The following PRKN variants were observed in gnomAD, a reference collection of about 807,000 sequenced individuals.
PRKN encodes parkin RBR E3 ubiquitin protein ligase.
A neutral mutation model predicts 59.5 loss-of-function variants in PRKN; 56 were observed. The observed-to-expected ratio is 0.94, with a 90% confidence interval of 0.76 to 1.18. The LOEUF is 1.18. Among genes scored for constraint, PRKN ranks in the 50% most tolerant of loss-of-function variants. The pLI is 0.00. For synonymous variants in PRKN, 250 were observed against 222.1 expected, an observed-to-expected ratio of 1.13 and a Z score of -1.12; for missense variants, 657 against 596.4, an observed-to-expected ratio of 1.10 and a Z score of -1.06.
intron 2 of PRKN, among the ~76,000 whole-genome samples, chr6:162,288,014 A>G (rs1781272142): frequency 6.6e-6 from 1 of 152,152 alleles, no homozygotes; most frequent in South Asian, 2.1e-4. Context: ...CAAATGCCTC[A>G]GGTTCTGTCT....
Position 161,552,450 on chromosome 6 carries a change from G to GC in PRKN, c.934-3448_934-3447insG. ...CTCCAAGCCTCTCTCCCTCAGCTCT[G>GC]TTCACCTCCGCCTATGACTGTGAAT... On this transcript the variant is annotated intron_variant, in intron 8 of 11. Transcript: ENST00000366898. This position sits in a 1 kb window ranked among gnomAD's most constrained non-coding sequence, Gnocchi z 4.9. Among the ~76,000 whole-genome samples, 1 of 50,814 alleles carries GC rather than the reference G, an allele frequency of 2.0e-5. No individual in the cohort carries two copies. Among genetic ancestry groups the GC allele is most frequent in the South Asian group, 5.5e-4 (1 of 1,814 alleles). 33.3% of individuals were successfully genotyped at this position (50,814 alleles called of 152,430 possible). A position where few individuals can be genotyped will look rare whatever the true frequency, so the allele number is the denominator to read the frequency against.
chr6:162,548,042 CCTCT>C (rs201264918), intron 1 of PRKN, among the ~76,000 whole-genome samples: 2,906 of 149,214 alleles, frequency 0.019, 94 homozygotes, highest in African/African-American at 0.067. Context: ...GCCCCTACTT[CCTCT>C]CTGAGTTTTT....
rs1195047032 is a variant in PRKN at position 161,417,516 on chromosome 6, A to C, written c.1084-30639T>G. On this transcript the variant is annotated intron_variant, in intron 9 of 11. Coordinates refer to ENST00000366898, the MANE Select transcript of PRKN (RefSeq NM_004562.3). The surrounding 1 kb of genome is among the most constrained non-coding windows in gnomAD (Gnocchi z 5.4). Reference sequence around the variant, plus strand: ...CGCTATTGATTTAATCTCTGAATTAAAGGTCTCTGAATTAAAGTGTATAAA... The same window carrying C: ...CGCTATTGATTTAATCTCTGAATTACAGGTCTCTGAATTAAAGTGTATAAA... Among the ~76,000 whole-genome samples, 1 of 152,098 alleles carries C rather than the reference A, an allele frequency of 6.6e-6. No individual in the cohort carries two copies. Among genetic ancestry groups the C allele is most frequent in the Non-Finnish European group, 1.5e-5 (1 of 68,026 alleles).
chr6:162,634,812 C>T (rs957462051), intron 1 of PRKN, among the ~76,000 whole-genome samples: 3 of 152,064 alleles, frequency 2.0e-5, no homozygotes, highest in South Asian at 4.1e-4. Context: ...TTAGTAGAGA[C>T]GGGGTTTCAC....
At chr6:162,649,911 A>T (rs1037667212) in intron 1 of PRKN, among the ~76,000 whole-genome samples, 3 of 152,204 alleles carry the variant, frequency 2.0e-5, no homozygotes, top group Non-Finnish European at 4.4e-5. Flanking sequence ...ATGTGAATGT[A>T]TGTCATTGGT....
intron 9 of PRKN, among the ~76,000 whole-genome samples, chr6:161,425,742 G>C (rs752859753): frequency 3.9e-5 from 6 of 152,114 alleles, no homozygotes; most frequent in Non-Finnish European, 8.8e-5. Context: ...ATTATGAGGA[G>C]ATGAATTTGT....
intron 1 of PRKN, among the ~76,000 whole-genome samples, chr6:162,606,588 G>A (rs1180215382): frequency 6.6e-6 from 1 of 152,178 alleles, no homozygotes; most frequent in Non-Finnish European, 1.5e-5. Flanking sequence ...ATTGGACTAG[G>A]GATAGTGATG....
intron 7 of PRKN, among the ~76,000 whole-genome samples, chr6:161,714,535 G>T (rs1786891766): frequency 6.6e-6 from 1 of 152,150 alleles, no homozygotes. Context: ...AGAGCTCAGG[G>T]TGATAAATTT....
intron 1 of PRKN, among the ~76,000 whole-genome samples, chr6:162,586,800 C>G (rs181610613): frequency 9.9e-5 from 15 of 152,192 alleles, no homozygotes; most frequent in African/African-American, 3.6e-4. Flanking sequence ...ATAAATTAGG[C>G]CAAAAGATAT....
intron 2 of PRKN, among the ~76,000 whole-genome samples, chr6:162,302,997 C>CAA (rs1554297647): frequency 6.6e-6 from 1 of 151,568 alleles, no homozygotes; most frequent in African/African-American, 2.4e-5. Context: ...CACACACACA[C>CAA]ACAGACACAC....
rs190120134 is a variant in PRKN at position 161,498,837 on chromosome 6, G to A, written c.1083+50017C>T. Among the ~76,000 whole-genome samples, 1 of 152,212 alleles carries A rather than the reference G, an allele frequency of 6.6e-6. No individual in the cohort carries two copies. The highest frequency in any genetic ancestry group is 2.1e-4 in the South Asian group (1 of 4,826). ...CAGGATATTCTTTGGGAATTCTAGC[G>A]GCTACATTCTATTTTTCAAGTGAAA... On this transcript the variant is annotated intron_variant, in intron 9 of 11. Transcript: ENST00000366898. This position sits in a 1 kb window ranked among gnomAD's most constrained non-coding sequence, Gnocchi z 4.2.
In PRKN at chr6:161,483,314, C is replaced by T. The variant is rs1352909289; in HGVS notation, c.1083+65540G>A. On this transcript the variant is annotated intron_variant, in intron 9 of 11. Transcript: ENST00000366898. This position sits in a 1 kb window ranked among gnomAD's most constrained non-coding sequence, Gnocchi z 5.0. Reference sequence around the variant, plus strand: ...TGTATTTCAGGCCAACTCCAAAGCACTGGTTAATAGTTATAAAAATGTTTC... The same window carrying T: ...TGTATTTCAGGCCAACTCCAAAGCATTGGTTAATAGTTATAAAAATGTTTC... Among the ~76,000 whole-genome samples the T allele has an allele frequency of 6.6e-6, 1 of 152,064 alleles. No individual in the cohort carries two copies. The highest frequency in any genetic ancestry group is 2.4e-5 in the African/African-American group (1 of 41,394).
intron 1 of PRKN, among the ~76,000 whole-genome samples, chr6:162,638,002 T>C (rs994768032): frequency 6.6e-6 from 1 of 152,044 alleles, no homozygotes. Flanking sequence ...AATCCTACAA[T>C]ATAACGAAGG....
chr6:162,680,340 ATG>A (rs1268443224), intron 1 of PRKN, among the ~76,000 whole-genome samples: 39 of 151,014 alleles, frequency 2.6e-4, no homozygotes, highest in Non-Finnish European at 4.0e-4. Flanking sequence ...TATGTACTGT[ATG>A]TGTGTGTATA....
chr6:162,269,784 A>G (rs1334760649), intron 2 of PRKN, among the ~76,000 whole-genome samples: 2 of 152,214 alleles, frequency 1.3e-5, no homozygotes, highest in African/African-American at 4.8e-5. Flanking sequence ...TAATATCACT[A>G]GTGATCAGGG....
intron 4 of PRKN, among the ~76,000 whole-genome samples, chr6:162,128,580 A>C (rs1781215579): frequency 6.6e-6 from 1 of 152,196 alleles, no homozygotes; most frequent in Non-Finnish European, 1.5e-5. Flanking sequence ...TCTTTTCAGT[A>C]GTGCATTTAT....
chr6:161,981,626 C>G (rs1486433412), intron 5 of PRKN, among the ~76,000 whole-genome samples: 8 of 152,168 alleles, frequency 5.3e-5, no homozygotes, highest in African/African-American at 1.9e-4. Flanking sequence ...CATGGCAAAG[C>G]CTGTTTATCT....
Position 162,377,197 on chromosome 6 carries a change from AG to A in PRKN, c.171+66112del, listed in dbSNP as rs1786155235. On this transcript the variant is annotated intron_variant, in intron 2 of 11. Coordinates refer to ENST00000366898, the MANE Select transcript of PRKN (RefSeq NM_004562.3). Reference sequence around the variant, plus strand: ...GTAATAAAAGTGTATTTCTGCTCCGAGTAACTTGGTTGAACTAATATTCAAA... The same window carrying A: ...GTAATAAAAGTGTATTTCTGCTCCGATAACTTGGTTGAACTAATATTCAAA... Among the ~76,000 whole-genome samples the A allele has an allele frequency of 2.0e-5, 3 of 152,308 alleles. No homozygotes were observed. The South Asian group carries it at 6.2e-4, about 32-fold the overall frequency.
In PRKN at chr6:161,571,192, G is replaced by A. The variant is rs117281420; in HGVS notation, c.872-1776C>T. Among the ~76,000 whole-genome samples the A allele has an allele frequency of 9.1e-3, 1,390 of 152,198 alleles. 30 individuals carry two copies. The highest frequency in any genetic ancestry group is 0.08 in the East Asian group (412 of 5,172). ...GCTCCTGGGCTCAAGTGACGCTCCC[G>A]CTTCAGCCTCACAAAGTGCTGGGAT... On this transcript the variant is annotated intron_variant, in intron 7 of 11. Transcript: ENST00000366898.
Sources: gnomAD v4.1 joint callset for allele counts (sites outside exome capture counted in the v4.1 genomes callset) on GRCh38, gnomAD v4.1.1 for gene constraint, Gnocchi (gnomAD v3.1) non-coding constraint, MANE v1.5 for transcripts, NCBI Gene and HGNC (gene_info 2026-07-23, HGNC 2026-07-21) for gene names.